Variants in TRIM13 observed in about 807,000 individuals in gnomAD.
TRIM13 encodes E3 ubiquitin-protein ligase TRIM13.
Under a neutral mutation model 27.1 loss-of-function variants are expected in TRIM13, and 15 were observed. The ratio of observed to expected loss-of-function variants is 0.55; its 90% CI spans 0.37 to 0.85. The LOEUF is 0.85. Ranked by LOEUF, TRIM13 falls within the 40% of genes least tolerant of loss-of-function variation. The pLI is 0.00. For synonymous variants in TRIM13, 193 were observed against 171.5 expected, an observed-to-expected ratio of 1.13 and a Z score of -0.98; for missense variants, 402 against 472.2, an observed-to-expected ratio of 0.85 and a Z score of 1.38.
chr13:50,000,776 T>A (rs990861979), intron 1 of TRIM13, among the ~76,000 whole-genome samples: 2 of 152,230 alleles, frequency 1.3e-5, no homozygotes, highest in Non-Finnish European at 2.9e-5. Context: ...ACTAATTTTA[T>A]AATTTAAGAA....
chr13:50,012,061 A>T lies in TRIM13; in HGVS notation c.121A>T (p.Ser41Cys). The part of the protein sequence containing the change: ...KKCLEGILEG[S>C]VRNSLWRPAP... ...ATGCTTAGAAGGTATCTTAGAAGGG[A>T]GTGTGCGGAATTCCTTGTGGAGACC... Residue 41 changes from serine (S) to cysteine (C), a missense_variant, in exon 2 of 2, where the codon AGT (serine) becomes TGT (cysteine). This residue lies in a region of TRIM13 where 202 missense variants were observed against 277.5 expected (regional missense o/e 0.73). Coordinates refer to ENST00000378182, the MANE Select transcript of TRIM13 (RefSeq NM_213590.3). 3 of 1,613,990 alleles carry T rather than the reference A, an allele frequency of 1.9e-6. No homozygotes were observed. The highest frequency in any genetic ancestry group is 2.5e-6 in the Non-Finnish European group (3 of 1,179,978).
At position 50,012,288 on chromosome 13, in the gene TRIM13, C is replaced by G; in HGVS notation, c.348C>G (p.Ile116Met). ...CLTDMQLICG[I>M]CATRGEHTKH... ...CTGATATGCAGCTGATTTGTGGGATCTGTGCTACTCGTGGGGAGCACACCA... is the reference window on the plus strand; with the variant it reads ...CTGATATGCAGCTGATTTGTGGGATGTGTGCTACTCGTGGGGAGCACACCA... Residue 116 changes from isoleucine to methionine, a missense_variant, in exon 2 of 2, where the codon ATC becomes ATG. This residue lies in a region of TRIM13 where 202 missense variants were observed against 277.5 expected (regional missense o/e 0.73). Coordinates refer to ENST00000378182, the MANE Select transcript of TRIM13 (RefSeq NM_213590.3). 1 of 1,614,128 alleles carries G rather than the reference C, an allele frequency of 6.2e-7. No individual in the cohort carries two copies. The highest frequency in any genetic ancestry group is 8.5e-7 in the Non-Finnish European group (1 of 1,180,000).
chr13:50,017,041 A>AT lies in TRIM13; in HGVS notation c.*3881dup, dbSNP rs1269517678. ...AGTATGACAATTCTTAATTGTTTAC[A>AT]TTTTATAACTTCCTGTCCTTCAAAA... On this transcript the variant is annotated 3_prime_UTR_variant, in exon 2 of 2. Transcript: ENST00000378182. 3.7e-4 allele frequency: 61 copies of AT among 167,002 alleles called. 1 individual carries two copies. In the Admixed American group the frequency reaches 4.0e-3, roughly 11 times the overall value. The allele number at this position is 167,002 out of a possible 1,614,324, so 10.3% of individuals were successfully genotyped here. A position where few individuals can be genotyped will look rare whatever the true frequency, so the allele number is the denominator to read the frequency against.
In TRIM13 at chr13:50,012,479, A is replaced by T. The variant is rs763749599; in HGVS notation, c.539A>T (p.Asp180Val). ...CTACAGTTACTGACTAAAGATTCAG[A>T]TAAAGTGAAGGAATTTTTTGAGAAG... ...KSLQLLTKDS[D>V]KVKEFFEKLQ... is the part of the protein sequence containing the mutation. The change falls in exon 2 of 2, where the codon GAT becomes GTT. Residue 180 changes from aspartate to valine, a missense_variant. Asp to Val is a radical substitution (Grantham distance 152). Around this residue, in one of 2 missense-constraint regions of TRIM13, gnomAD observed 202 missense variants for 277.5 expected, o/e 0.73. Transcript: ENST00000378182. The T allele has an allele frequency of 6.2e-7, 1 of 1,613,940 alleles. No individual in the cohort carries two copies. Among genetic ancestry groups the T allele is most frequent in the African/African-American group, 1.3e-5 (1 of 74,946 alleles).
chr13:50,007,506 G>T (rs80182016), intron 1 of TRIM13, among the ~76,000 whole-genome samples: 13 of 142,414 alleles, frequency 9.1e-5, no homozygotes, highest in Admixed American at 7.1e-4. Flanking sequence ...AAAAAAAAAC[G>T]CCAGGCACGG....
At position 50,013,371 on chromosome 13, in the gene TRIM13, G is replaced by A. The variant is rs948870400; in HGVS notation, c.*207G>A. On this transcript the variant is annotated 3_prime_UTR_variant, in exon 2 of 2. Transcript: ENST00000378182. ...CCTGAACCTTTTTTTGTTTAAAAGA[G>A]TGCTTTTGAAATAAGCATCCACCCC... The A allele has an allele frequency of 2.4e-5, 11 of 449,020 alleles. No homozygotes were observed. The highest frequency in any genetic ancestry group is 1.8e-4 in the African/African-American group (9 of 48,744). The allele number at this position is 449,020 out of a possible 1,614,324, so 27.8% of individuals were successfully genotyped here.
chr13:50,003,374 AC>A (rs1217597116), intron 1 of TRIM13, among the ~76,000 whole-genome samples: 1 of 152,250 alleles, frequency 6.6e-6, no homozygotes, highest in Non-Finnish European at 1.5e-5. Flanking sequence ...AAAACAAAAA[AC>A]ATGGGTAATA....
rs74076869 is a variant in TRIM13, at chr13:49,999,192, C to T, written c.-7+1429C>T. 1.1e-3 allele frequency among the ~76,000 whole-genome samples: 168 copies of T among 151,998 alleles called. 2 individuals carry two copies. The highest frequency in any genetic ancestry group is 3.9e-3 in the African/African-American group (161 of 41,440). ...AAAACCACGGGTGCAGGTGTCATGG[C>T]GGCCCCAGGTAGAAGCTACATTTGC... On this transcript the variant is annotated intron_variant, in intron 1 of 1. Transcript: ENST00000378182.
In TRIM13 at chr13:50,007,785, A is replaced by C. The variant is rs77924185; in HGVS notation, c.-6-4150A>C. On this transcript the variant is annotated intron_variant, in intron 1 of 1. Transcript: ENST00000378182. The stretch of plus-strand genomic sequence containing the variant: ...TGACAAGAGTGAGACTTAGTCTCAA[A>C]AAAAAAAAAAAAAGCCATAAACTAA... 1.6e-3 allele frequency among the ~76,000 whole-genome samples: 135 copies of C among 84,220 alleles called. 1 individual carries two copies. The highest frequency in any genetic ancestry group is 2.6e-3 in the Admixed American group (22 of 8,608). The allele number at this position is 84,220 out of a possible 152,430, so 55.3% of individuals were successfully genotyped here.
chr13:50,003,881 C>A (rs1210535229), intron 1 of TRIM13, among the ~76,000 whole-genome samples: 1 of 152,106 alleles, frequency 6.6e-6, no homozygotes, highest in African/African-American at 2.4e-5. Flanking sequence ...GGCAGGAGAA[C>A]AAGTTTGACT....
intron 1 of TRIM13, among the ~76,000 whole-genome samples, chr13:50,004,873 T>G (rs984663809): frequency 1.3e-5 from 2 of 151,238 alleles, no homozygotes; most frequent in African/African-American, 4.9e-5. Flanking sequence ...GTCAGGAGTT[T>G]GAGACCAGCC....
intron 1 of TRIM13, among the ~76,000 whole-genome samples, chr13:49,999,373 C>T (rs553774852): frequency 7.7e-4 from 117 of 152,258 alleles, no homozygotes; most frequent in African/African-American, 2.8e-3. Flanking sequence ...GAGACCCTCT[C>T]TTGGGTGATA....
chr13:49,997,628 A>C lies in TRIM13; in HGVS notation c.-142A>C, dbSNP rs1873393741. ...GTCAAGATTGGGGTGCTGTGCAAAT[A>C]AATGCGTTAATACTGTTCTTTTTCT... On this transcript the variant is annotated 5_prime_UTR_variant, in exon 1 of 2. Transcript: ENST00000378182. The C allele has an allele frequency of 6.6e-6, 1 of 152,180 alleles. No homozygotes were observed. The highest frequency in any genetic ancestry group is 1.5e-5 in the Non-Finnish European group (1 of 68,048). The allele number at this position is 152,180 out of a possible 1,614,324, so 9.4% of individuals were successfully genotyped here.
At chr13:49,999,340 G>T (rs1216555973) in intron 1 of TRIM13, among the ~76,000 whole-genome samples, 2 of 152,000 alleles carry the variant, frequency 1.3e-5, no homozygotes, top group Non-Finnish European at 2.9e-5. Context: ...GTACAAAATC[G>T]ATTGCGTTTC....
chr13:50,014,526 C>T lies in TRIM13; in HGVS notation c.*1362C>T, dbSNP rs976745870. On this transcript the variant is annotated 3_prime_UTR_variant, in exon 2 of 2. Coordinates refer to ENST00000378182, the MANE Select transcript of TRIM13 (RefSeq NM_213590.3). ...ACAACCAAACCAATCCACTTGCTTA[C>T]AGAAAGAATGTTTAGTGTAGTTAAG... 4 of 166,216 alleles carry T rather than the reference C, an allele frequency of 2.4e-5. No individual in the cohort carries two copies. The highest frequency in any genetic ancestry group is 9.7e-5 in the African/African-American group (4 of 41,170). The allele number at this position is 166,216 out of a possible 1,614,324, so 10.3% of individuals were successfully genotyped here.
chr13:50,003,225 ATAGATACT>A (rs1440634560), intron 1 of TRIM13, among the ~76,000 whole-genome samples: 1 of 152,204 alleles, frequency 6.6e-6, no homozygotes, highest in Non-Finnish European at 1.5e-5. Flanking sequence ...TAGCCACCTG[ATAGATACT>A]TAGGTACTGT....
chr13:50,005,568 G>A (rs1874582734), intron 1 of TRIM13, among the ~76,000 whole-genome samples: 2 of 150,918 alleles, frequency 1.3e-5, no homozygotes, highest in Admixed American at 1.3e-4. Flanking sequence ...CAGCTACTCG[G>A]GGAGACTAAG....
chr13:50,008,731 A>T (rs1407845765), intron 1 of TRIM13, among the ~76,000 whole-genome samples: 2 of 152,010 alleles, frequency 1.3e-5, no homozygotes, highest in East Asian at 3.9e-4. Context: ...ACACTTTTAC[A>T]CTCTTAAAAA....
At position 50,015,088 on chromosome 13, in the gene TRIM13, AAAAAAAATATATATAT is replaced by A. The variant is rs1876253716; in HGVS notation, c.*1926_*1941del. On this transcript the variant is annotated 3_prime_UTR_variant, in exon 2 of 2. Transcript: ENST00000378182. ...CCCTCCCAGTAATAAAAAAAAAAAA[AAAAAAAATATATATAT>A]ATATATATATATATATATATATATA... 1.6e-4 allele frequency: 8 copies of A among 49,258 alleles called. 1 individual carries two copies. Among genetic ancestry groups the A allele is most frequent in the South Asian group, 9.1e-4 (1 of 1,100 alleles). The allele number at this position is 49,258 out of a possible 1,614,324, so 3.1% of individuals were successfully genotyped here. A position where few individuals can be genotyped will look rare whatever the true frequency, so the allele number is the denominator to read the frequency against.
Sources: allele counts gnomAD v4.1 joint callset (sites outside exome capture counted in the v4.1 genomes callset), GRCh38; gene constraint gnomAD v4.1.1; regional missense constraint gnomAD v4.1.1; transcripts MANE v1.5; gene names NCBI Gene and HGNC (gene_info 2026-07-23, HGNC 2026-07-21).